The following SLX4IP variants were observed in gnomAD, a reference collection of about 807,000 sequenced individuals.
The protein encoded by SLX4IP is SLX4 interacting protein.
SLX4IP carries 34 observed loss-of-function variants against 32.9 expected under a neutral mutation model. That is an observed-to-expected ratio of 1.03 (90% confidence interval 0.79 to 1.38). SLX4IP has a LOEUF of 1.38. Among genes scored for constraint, SLX4IP ranks in the 40% most tolerant of loss-of-function variants. The pLI is 0.00. For missense variants in SLX4IP, 444 were observed against 479.0 expected, an observed-to-expected ratio of 0.93 and a Z score of 0.68; for synonymous variants, 172 against 171.7, an observed-to-expected ratio of 1.00 and a Z score of -0.01.
chr20:10,442,509 G>A (rs1459170653), intron 1 of SLX4IP, among the ~76,000 whole-genome samples: 1 of 152,040 alleles, frequency 6.6e-6, no homozygotes, highest in African/African-American at 2.4e-5. Flanking sequence ...AGAAGATGAG[G>A]CATCATTTGT....
Position 10,616,387 on chromosome 20 carries a change from AAATG to A in SLX4IP, c.406-4924_406-4921del, listed in dbSNP as rs1177216077. On this transcript the variant is annotated intron_variant, in intron 6 of 7. Transcript: ENST00000334534. ...TTAAAATGTCAAGTCCCAAAAAAAAAAATGAAATAAATAAATAAATAAATAAATA... is the reference window on the plus strand; with the variant it reads ...TTAAAATGTCAAGTCCCAAAAAAAAAAAATAAATAAATAAATAAATAAATA... 2.2e-4 allele frequency among the ~76,000 whole-genome samples: 22 copies of A among 97,934 alleles called. 1 individual carries two copies. Among genetic ancestry groups the A allele is most frequent in the Admixed American group, 1.5e-3 (14 of 9,140 alleles). The allele number at this position is 97,934 out of a possible 152,430, so 64.2% of individuals were successfully genotyped here. A position where few individuals can be genotyped will look rare whatever the true frequency, so the allele number is the denominator to read the frequency against.
intron 2 of SLX4IP, among the ~76,000 whole-genome samples, chr20:10,497,839 T>G (rs1306406459): frequency 6.6e-6 from 1 of 151,948 alleles, no homozygotes; most frequent in African/African-American, 2.4e-5. Flanking sequence ...TTAAAAAAAT[T>G]TTTTTTGGTG....
At chr20:10,542,065 A>G (rs553081387) in intron 2 of SLX4IP, among the ~76,000 whole-genome samples, 29 of 152,340 alleles carry the variant, frequency 1.9e-4, no homozygotes, top group African/African-American at 6.7e-4. Flanking sequence ...GGTGCATTGG[A>G]TGGTTGAAGT....
At chr20:10,500,657 T>C (rs991596014) in intron 2 of SLX4IP, among the ~76,000 whole-genome samples, 1 of 151,940 alleles carries the variant, frequency 6.6e-6, no homozygotes, top group Non-Finnish European at 1.5e-5. Context: ...AAAGCCGAGG[T>C]GGGAGGATTC....
chr20:10,553,958 C>T (rs1472259688), intron 2 of SLX4IP, among the ~76,000 whole-genome samples: 1 of 152,158 alleles, frequency 6.6e-6, no homozygotes, highest in Non-Finnish European at 1.5e-5. Flanking sequence ...TAACTGCCAA[C>T]AAGTATGAGT....
intron 2 of SLX4IP, among the ~76,000 whole-genome samples, chr20:10,489,859 CT>C (rs1263670824): frequency 1.3e-5 from 2 of 152,218 alleles, no homozygotes; most frequent in Non-Finnish European, 2.9e-5. Flanking sequence ...ATGAAGCTTA[CT>C]TGGTTCTTTA....
At chr20:10,447,366 ATCTTTTTTAGTCTT>A (rs2065210597) in intron 1 of SLX4IP, among the ~76,000 whole-genome samples, 1 of 151,460 alleles carries the variant, frequency 6.6e-6, no homozygotes, top group South Asian at 2.1e-4. Context: ...AAGTGTCTTG[ATCTTTTTTAGTCTT>A]TCTCAGTTTC....
At chr20:10,441,157 G>A (rs1033322139) in intron 1 of SLX4IP, among the ~76,000 whole-genome samples, 5 of 152,070 alleles carry the variant, frequency 3.3e-5, no homozygotes, top group Admixed American at 6.6e-5. Flanking sequence ...GATTCAGGCC[G>A]GACATGGTGG....
At chr20:10,436,576 G>A (rs963931999) in intron 1 of SLX4IP, among the ~76,000 whole-genome samples, 2 of 152,062 alleles carry the variant, frequency 1.3e-5, no homozygotes, top group East Asian at 3.9e-4. Flanking sequence ...GGTTGTTCTC[G>A]AACTCCTGAC....
In SLX4IP at chr20:10,516,145, C is replaced by A. The variant is rs148503358; in HGVS notation, c.28-40086C>A. Among the ~76,000 whole-genome samples the A allele has an allele frequency of 9.4e-3, 1,428 of 152,304 alleles. 28 individuals carry two copies. The highest frequency in any genetic ancestry group is 0.033 in the African/African-American group (1,351 of 41,550). ...TCAAGGGAGCTGCCTACCTCGGCCT[C>A]CCAAAATGCTGGGACTACAGGTGTG... On this transcript the variant is annotated intron_variant, in intron 2 of 7. Coordinates refer to ENST00000334534, the MANE Select transcript of SLX4IP (RefSeq NM_001009608.3).
Position 10,622,800 on chromosome 20 carries a change from A to G in SLX4IP, c.648A>G (p.Ser216=), listed in dbSNP as rs781409070. Residue 216 remains serine (S), a synonymous_variant, in exon 8 of 8, where the codon TCA becomes TCG. Coordinates refer to ENST00000334534, the MANE Select transcript of SLX4IP (RefSeq NM_001009608.3). ...NDGQASSSPP[S]ESMGQAKDSI... ...GTCAGGCTTCCTCCAGTCCCCCATC[A>G]GAATCCATGGGACAAGCAAAGGATT... 27 of 1,614,080 alleles carry G rather than the reference A, an allele frequency of 1.7e-5. No homozygotes were observed. The highest frequency in any genetic ancestry group is 2.0e-5 in the Non-Finnish European group (24 of 1,180,052).
chr20:10,468,230 G>T (rs1287576846), intron 2 of SLX4IP, among the ~76,000 whole-genome samples: 1 of 152,120 alleles, frequency 6.6e-6, no homozygotes, highest in Non-Finnish European at 1.5e-5. Context: ...GCTCTGCAGA[G>T]CATCTTGAAT....
intron 3 of SLX4IP, among the ~76,000 whole-genome samples, chr20:10,556,997 A>C (rs2066273342): frequency 6.6e-6 from 1 of 152,198 alleles, no homozygotes; most frequent in Non-Finnish European, 1.5e-5. Context: ...TACAAGCTGC[A>C]CTGAGCTCTC....
chr20:10,462,501 GAACA>G (rs2065346445), intron 2 of SLX4IP, among the ~76,000 whole-genome samples: 1 of 152,192 alleles, frequency 6.6e-6, no homozygotes, highest in Non-Finnish European at 1.5e-5. Context: ...GGAGACAGTA[GAACA>G]ATACCTTTAA....
Position 10,621,427 on chromosome 20 carries a change from T to C in SLX4IP, c.506+13T>C, listed in dbSNP as rs2067111345. The C allele has an allele frequency of 1.2e-6, 2 of 1,612,268 alleles. No homozygotes were observed. The highest frequency in any genetic ancestry group is 2.7e-5 in the African/African-American group (2 of 75,000). On this transcript the variant is annotated intron_variant, in intron 7 of 7. Coordinates refer to ENST00000334534, the MANE Select transcript of SLX4IP (RefSeq NM_001009608.3). The stretch of plus-strand genomic sequence containing the variant: ...CTCTGAAAGAAATGTAGGTGCAATG[T>C]GTTTCCTTTTTCTCATTTTTGCCTG...
At chr20:10,441,129 G>A (rs1249697893) in intron 1 of SLX4IP, among the ~76,000 whole-genome samples, 1 of 152,124 alleles carries the variant, frequency 6.6e-6, no homozygotes, top group East Asian at 1.9e-4. Context: ...TTTCTGACTA[G>A]GTATTAAATA....
At chr20:10,476,569 C>A (rs547136041) in intron 2 of SLX4IP, among the ~76,000 whole-genome samples, 2 of 152,112 alleles carry the variant, frequency 1.3e-5, no homozygotes, top group Admixed American at 1.3e-4. Flanking sequence ...GTTCCTATGC[C>A]GCGTGTGTCT....
intron 6 of SLX4IP, 47 bp downstream of exon 6, chr20:10,601,866 G>A (rs767155996): frequency 1.2e-5 from 18 of 1,506,102 alleles, no homozygotes; most frequent in Non-Finnish European, 1.6e-5. Flanking sequence ...CTTAAATGCT[G>A]AGTTACTGTA....
intron 2 of SLX4IP, among the ~76,000 whole-genome samples, chr20:10,493,457 G>A (rs562526895): frequency 1.3e-5 from 2 of 152,070 alleles, no homozygotes; most frequent in South Asian, 2.1e-4. Flanking sequence ...CAACCATATC[G>A]AACTCCCATA....
Sources: gnomAD v4.1 joint callset for allele counts (sites outside exome capture counted in the v4.1 genomes callset) on GRCh38, gnomAD v4.1.1 for gene constraint, MANE v1.5 for transcripts, NCBI Gene and HGNC (gene_info 2026-07-23, HGNC 2026-07-21) for gene names.